The following ARMC7 variants were observed in gnomAD, a reference collection of about 807,000 sequenced individuals.
ARMC7 encodes the protein armadillo repeat-containing protein 7.
ARMC7 carries 9 observed loss-of-function variants against 14.8 expected under a neutral mutation model. That is an observed-to-expected ratio of 0.61 (90% confidence interval 0.37 to 1.06). The LOEUF is 1.06. ARMC7 is among the 50% of genes least tolerant of loss of function. The pLI is 0.01. For missense variants in ARMC7, 262 were observed against 267.1 expected (o/e 0.98, Z 0.13); for synonymous variants, 125 against 123.4 (o/e 1.01, Z -0.09).
intron 2 of ARMC7, among the ~76,000 whole-genome samples, chr17:75,115,250 G>C (rs2073965259): frequency 6.6e-6 from 1 of 152,184 alleles, no homozygotes; most frequent in Non-Finnish European, 1.5e-5. Flanking sequence ...GTGGCTCGCA[G>C]AACCAAAACC....
intron 2 of ARMC7, among the ~76,000 whole-genome samples, chr17:75,128,161 G>T (rs906853005): frequency 6.6e-6 from 1 of 151,954 alleles, no homozygotes; most frequent in Non-Finnish European, 1.5e-5. Context: ...TGCAACCTCC[G>T]AGTCCCAGGT....
chr17:75,125,235 G>A (rs2074042789), intron 2 of ARMC7, among the ~76,000 whole-genome samples: 1 of 152,218 alleles, frequency 6.6e-6, no homozygotes, highest in African/African-American at 2.4e-5. Context: ...CTGACCATCT[G>A]CGGTTCTTTG....
intron 2 of ARMC7, among the ~76,000 whole-genome samples, chr17:75,122,890 G>A (rs879380379): frequency 7.3e-5 from 11 of 150,202 alleles, no homozygotes; most frequent in Non-Finnish European, 1.6e-4. Context: ...GTGGTGGGGG[G>A]GCAGGTTAGG....
chr17:75,126,111 G>A (rs1270828877), intron 2 of ARMC7, among the ~76,000 whole-genome samples: 1 of 152,202 alleles, frequency 6.6e-6, no homozygotes, highest in African/African-American at 2.4e-5. Context: ...TCAGGACACT[G>A]GGCATGTTTT....
intron 2 of ARMC7, among the ~76,000 whole-genome samples, chr17:75,127,800 G>A (rs764524503): frequency 3.9e-5 from 6 of 152,162 alleles, no homozygotes; most frequent in Non-Finnish European, 7.3e-5. Context: ...TTGCCATGTC[G>A]CCAAGGCTGG....
chr17:75,114,937 G>A (rs1186556583), intron 2 of ARMC7: 1 of 383,018 alleles, frequency 2.6e-6, no homozygotes, highest in Non-Finnish European at 4.6e-6. Context: ...ATCCCCGACA[G>A]GCACTTATTC....
At position 75,112,096 on chromosome 17, in the gene ARMC7, G is replaced by A. The variant is rs542291612; in HGVS notation, c.235+1490G>A. Among the ~76,000 whole-genome samples the A allele has an allele frequency of 2.0e-4, 29 of 146,704 alleles. 1 individual carries two copies. Among genetic ancestry groups the A allele is most frequent in the African/African-American group, 3.3e-4 (12 of 36,328 alleles). ...CCATCATGAGAAAGGCATTTTAGCC[G>A]GGACACAGCATGGGCAAAGGCCTTA... On this transcript the variant is annotated intron_variant, in intron 2 of 2. Coordinates refer to ENST00000245543, the MANE Select transcript of ARMC7 (RefSeq NM_024585.4).
chr17:75,127,466 T>TA (rs1381532053), intron 2 of ARMC7, among the ~76,000 whole-genome samples: 1 of 151,992 alleles, frequency 6.6e-6, no homozygotes, highest in Non-Finnish European at 1.5e-5. Context: ...GCCCAGCTAA[T>TA]TTTTGTGTTT....
chr17:75,119,454 T>G (rs2145126410), intron 2 of ARMC7, among the ~76,000 whole-genome samples: 2 of 141,512 alleles, frequency 1.4e-5, no homozygotes, highest in South Asian at 2.2e-4. Context: ...CAGTTTTTTC[T>G]TTTTTTTTTT....
At chr17:75,110,685 G>C in intron 2 of ARMC7, 79 bp downstream of exon 2, 10 of 1,555,456 alleles carry the variant, frequency 6.4e-6, no homozygotes, top group Non-Finnish European at 8.7e-6. Context: ...CCTTGGGGCC[G>C]GGCGTGGTGG....
At chr17:75,110,787 A>AC (rs1253523494) in intron 2 of ARMC7, among the ~76,000 whole-genome samples, 181 bp downstream of exon 2, 1 of 151,702 alleles carries the variant, frequency 6.6e-6, no homozygotes, top group Non-Finnish European at 1.5e-5. Context: ...ACATGGCGAA[A>AC]CCCCGTCTCG....
chr17:75,123,508 C>T (rs1187622981), intron 2 of ARMC7, among the ~76,000 whole-genome samples: 1 of 151,862 alleles, frequency 6.6e-6, no homozygotes, highest in African/African-American at 2.4e-5. Flanking sequence ...TGCCCACCAC[C>T]GTGCCCGGCT....
Position 75,122,386 on chromosome 17 carries a change from G to A in ARMC7, c.236-6291G>A, listed in dbSNP as rs147405847. ...TTATTATTATTATTATTTTTGACGG[G>A]GTTTCACTCTTGTTGCCCAGGCTGG... On this transcript the variant is annotated intron_variant, in intron 2 of 2. Transcript: ENST00000245543. Among the ~76,000 whole-genome samples, 1,008 of 151,590 alleles carry A rather than the reference G, an allele frequency of 6.6e-3. 12 individuals carry two copies. The highest frequency in any genetic ancestry group is 0.023 in the African/African-American group (942 of 41,390).
chr17:75,121,680 C>G (rs1265119791), intron 2 of ARMC7, among the ~76,000 whole-genome samples: 2 of 152,150 alleles, frequency 1.3e-5, no homozygotes, highest in Admixed American at 1.3e-4. Flanking sequence ...TCCCAAAGTG[C>G]TGGGATTACA....
chr17:75,125,258 C>G lies in ARMC7; in HGVS notation c.236-3419C>G, dbSNP rs186234006. On this transcript the variant is annotated intron_variant, in intron 2 of 2. Transcript: ENST00000245543. Reference sequence around the variant, plus strand: ...CTGCGGTTCTTTGAACCCTTTCCCCCCCGGGTCAGTGCTTAAAGGATCAGG... The same window carrying G: ...CTGCGGTTCTTTGAACCCTTTCCCCGCCGGGTCAGTGCTTAAAGGATCAGG... Among the ~76,000 whole-genome samples the G allele has an allele frequency of 6.6e-5, 10 of 152,310 alleles. No homozygotes were observed. The East Asian group carries it at 1.2e-3, about 18-fold the overall frequency.
chr17:75,124,101 T>G (rs977717338), intron 2 of ARMC7, among the ~76,000 whole-genome samples: 7 of 152,166 alleles, frequency 4.6e-5, no homozygotes, highest in African/African-American at 1.4e-4. Flanking sequence ...TGCTGTGGCC[T>G]CTTGTGGGTC....
Position 75,129,115 on chromosome 17 carries a change from C to T in ARMC7, c.*77C>T. The T allele has an allele frequency of 2.0e-6, 3 of 1,499,358 alleles. No homozygotes were observed. The highest frequency in any genetic ancestry group is 1.8e-6 in the Non-Finnish European group (2 of 1,127,588). 92.9% of individuals were successfully genotyped at this position (1,499,358 alleles called of 1,614,324 possible). Reference sequence around the variant, plus strand: ...TGATGTGGACGCAGGGAACGGGGAGCACATACTGCCCCATTGGTGCCTTTT... The same window carrying T: ...TGATGTGGACGCAGGGAACGGGGAGTACATACTGCCCCATTGGTGCCTTTT... On this transcript the variant is annotated 3_prime_UTR_variant, in exon 3 of 3. Coordinates refer to ENST00000245543, the MANE Select transcript of ARMC7 (RefSeq NM_024585.4).
chr17:75,129,011 G>A lies in ARMC7; in HGVS notation c.570G>A (p.Pro190=), dbSNP rs769196789. 13 of 1,598,852 alleles carry A rather than the reference G, an allele frequency of 8.1e-6. No homozygotes were observed. Among genetic ancestry groups the A allele is most frequent in the Admixed American group, 5.0e-5 (3 of 59,908 alleles). ...QAHSALGIPL[P]RSVAPRQR The stretch of plus-strand genomic sequence containing the variant: ...ACTCTGCCCTGGGTATCCCACTGCC[G>A]AGGAGCGTGGCCCCACGGCAGCGCT... Residue 190 remains proline, a synonymous_variant, in exon 3 of 3, where the codon CCG becomes CCA. Transcript: ENST00000245543.
chr17:75,124,524 C>A (rs1018000013), intron 2 of ARMC7, among the ~76,000 whole-genome samples: 55 of 152,244 alleles, frequency 3.6e-4, no homozygotes, highest in African/African-American at 1.2e-3. Flanking sequence ...ACCCCACCCG[C>A]AGTCCAGTGT....
Sources: gnomAD v4.1 joint callset for allele counts (sites outside exome capture counted in the v4.1 genomes callset) on GRCh38, gnomAD v4.1.1 for gene constraint, MANE v1.5 for transcripts, NCBI Gene and HGNC (gene_info 2026-07-23, HGNC 2026-07-21) for gene names.